The following NEDD4L variants were observed in gnomAD, a reference collection of about 807,000 sequenced individuals.
NEDD4L encodes the protein NEDD4 like E3 ubiquitin protein ligase.
NEDD4L carries 54 observed loss-of-function variants against 148.9 expected under a neutral mutation model. The ratio of observed to expected loss-of-function variants is 0.36; its 90% CI spans 0.29 to 0.45. The LOEUF is 0.45. Ranked by LOEUF, NEDD4L falls within the 20% of genes least tolerant of loss-of-function variation. NEDD4L has a pLI of 1.00. For synonymous variants in NEDD4L, 433 were observed against 440.7 expected (o/e 0.98, Z 0.22); for missense variants, 856 against 1,233.8 (o/e 0.69, Z 4.59).
intron 1 of NEDD4L, among the ~76,000 whole-genome samples, chr18:58,140,774 G>A (rs1219594536): frequency 2.0e-5 from 3 of 152,190 alleles, no homozygotes; most frequent in African/African-American, 4.8e-5. Context: ...CCTTTGTGTC[G>A]GCCTTGGCCA....
chr18:58,385,432 C>A, intron 25 of NEDD4L, 94 bp from the exon 26 acceptor site: 2 of 976,996 alleles, frequency 2.0e-6, no homozygotes, highest in South Asian at 2.6e-5. Flanking sequence ...GCTCTGCTGT[C>A]GTGGATGGAG....
In NEDD4L at chr18:58,391,353, A is replaced by G. The variant is rs2049815430; in HGVS notation, c.2753-134A>G. 8.5e-6 allele frequency: 6 copies of G among 702,202 alleles called. No individual in the cohort carries two copies. In the South Asian group the frequency reaches 9.8e-5, roughly 11 times the overall value. The allele number at this position is 702,202 out of a possible 1,614,324, so 43.5% of individuals were successfully genotyped here. A position where few individuals can be genotyped will look rare whatever the true frequency, so the allele number is the denominator to read the frequency against. On this transcript the variant is annotated intron_variant, in intron 29 of 30. Coordinates refer to ENST00000400345, the MANE Select transcript of NEDD4L (RefSeq NM_001144967.3). Reference sequence around the variant, plus strand: ...CCTCAACATTAAATATCAATGTTGCAGCAGAAGAGAGTGTCTTGGGCCTCA... The same window carrying G: ...CCTCAACATTAAATATCAATGTTGCGGCAGAAGAGAGTGTCTTGGGCCTCA...
intron 1 of NEDD4L, among the ~76,000 whole-genome samples, chr18:58,158,127 C>T (rs1008209241): frequency 6.6e-6 from 1 of 152,198 alleles, no homozygotes; most frequent in Non-Finnish European, 1.5e-5. Flanking sequence ...TTGACTGGAA[C>T]AGAAGGACCC....
At chr18:58,081,712 C>T (rs1872600200) in intron 1 of NEDD4L, among the ~76,000 whole-genome samples, 1 of 152,050 alleles carries the variant, frequency 6.6e-6, no homozygotes, top group African/African-American at 2.4e-5. Flanking sequence ...TGTTTCTGAA[C>T]CTATGTGGTA....
Position 58,141,915 on chromosome 18 carries a change from G to A in NEDD4L, c.49-23873G>A, listed in dbSNP as rs116143628. ...AACTCACAGGAGCTGTGAAAACAAC[G>A]CTGTTTTGTGAAAGCCAAGTAGGAG... On this transcript the variant is annotated intron_variant, in intron 1 of 30. Coordinates refer to ENST00000400345, the MANE Select transcript of NEDD4L (RefSeq NM_001144967.3). 3.7e-3 allele frequency among the ~76,000 whole-genome samples: 563 copies of A among 152,108 alleles called. 5 individuals are homozygous for A. The highest frequency in any genetic ancestry group is 0.012 in the African/African-American group (509 of 41,512).
intron 18 of NEDD4L, among the ~76,000 whole-genome samples, chr18:58,355,034 C>T (rs1036538452): frequency 6.6e-6 from 1 of 152,180 alleles, no homozygotes; most frequent in African/African-American, 2.4e-5. Flanking sequence ...AGGGTATCTG[C>T]CCGGTGTGGG....
In NEDD4L at chr18:58,272,756, C is replaced by G. The variant is rs974646262; in HGVS notation, c.297+20702C>G. 6.9e-4 allele frequency among the ~76,000 whole-genome samples: 105 copies of G among 152,342 alleles called. 1 individual carries two copies. Among genetic ancestry groups the G allele is most frequent in the African/African-American group, 2.3e-3 (96 of 41,572 alleles). ...TAAAAGTCAGTAAGGCTAAGGGACA[C>G]TTCTGAATTCCTTCTGCTGTCCAGG... On this transcript the variant is annotated intron_variant, in intron 5 of 30. Transcript: ENST00000400345.
intron 2 of NEDD4L, among the ~76,000 whole-genome samples, chr18:58,221,087 T>G (rs78171499): frequency 6.6e-6 from 1 of 152,112 alleles, no homozygotes; most frequent in South Asian, 2.1e-4. Context: ...TTTGTTCCTG[T>G]TTTTTTCCCC....
At chr18:58,055,634 A>C (rs1598958154) in intron 1 of NEDD4L, among the ~76,000 whole-genome samples, 2 of 152,188 alleles carry the variant, frequency 1.3e-5, no homozygotes, top group Admixed American at 6.5e-5. Flanking sequence ...TTAGGAGCTC[A>C]CCACTACGTT....
rs1332623130 is a variant in NEDD4L at position 58,245,436 on chromosome 18, T to C, written c.132T>C (p.Tyr44=). ...AAATATTTTCTTACAGTGATCCGTA[T>C]GTGAAACTTTCATTGTACGTAGCGG... The part of the protein sequence containing the change: ...KKDIFGASDP[Y]VKLSLYVADE... Residue 44 remains tyrosine, a synonymous_variant, in exon 3 of 31, where the codon TAT becomes TAC. Transcript: ENST00000400345. The C allele has an allele frequency of 6.5e-7, 1 of 1,532,690 alleles. No individual in the cohort carries two copies. The highest frequency in any genetic ancestry group is 1.8e-5 in the Admixed American group (1 of 56,316). The allele number at this position is 1,532,690 out of a possible 1,614,324, so 94.9% of individuals were successfully genotyped here.
chr18:58,157,378 A>G (rs1407106374), intron 1 of NEDD4L, among the ~76,000 whole-genome samples: 1 of 152,056 alleles, frequency 6.6e-6, no homozygotes, highest in African/African-American at 2.4e-5. Context: ...CCCCAGCCAA[A>G]CAGTTCTTAT....
intron 5 of NEDD4L, among the ~76,000 whole-genome samples, chr18:58,284,681 A>C (rs1007438772): frequency 1.3e-5 from 2 of 152,256 alleles, no homozygotes; most frequent in African/African-American, 2.4e-5. Context: ...TCAAATATTT[A>C]ATCTTACTTC....
intron 1 of NEDD4L, among the ~76,000 whole-genome samples, chr18:58,125,552 T>C (rs528329): frequency 0.9 from 136,686 of 151,868 alleles, 61,700 homozygotes; most frequent in African/African-American, 0.97. Flanking sequence ...TAAAGCTCAC[T>C]CTTGCCTCAT....
intron 5 of NEDD4L, among the ~76,000 whole-genome samples, chr18:58,269,395 C>G (rs73437205): frequency 6.6e-6 from 1 of 151,810 alleles, no homozygotes; most frequent in Non-Finnish European, 1.5e-5. Flanking sequence ...AATGGCTCAC[C>G]GCAGCAAAAA....
intron 1 of NEDD4L, among the ~76,000 whole-genome samples, chr18:58,052,051 A>G (rs1438415804): frequency 6.6e-6 from 1 of 152,180 alleles, no homozygotes; most frequent in Non-Finnish European, 1.5e-5. Context: ...ATGATAGCAT[A>G]ATTTAGAGTT....
intron 18 of NEDD4L, among the ~76,000 whole-genome samples, chr18:58,354,108 A>G (rs547331209): frequency 3.9e-5 from 6 of 152,218 alleles, no homozygotes; most frequent in East Asian, 1.9e-4. Context: ...TTTGCTGTCT[A>G]TGGAATGGCT....
At chr18:58,264,981 A>G (rs2050012174) in intron 5 of NEDD4L, among the ~76,000 whole-genome samples, 1 of 152,070 alleles carries the variant, frequency 6.6e-6, no homozygotes, top group Non-Finnish European at 1.5e-5. Flanking sequence ...TCACAAACAG[A>G]TGGGACAGCT....
intron 30 of NEDD4L, among the ~76,000 whole-genome samples, chr18:58,392,735 A>G (rs189351727): frequency 6.6e-6 from 1 of 152,316 alleles, no homozygotes; most frequent in African/African-American, 2.4e-5. Context: ...AATGGTGTCC[A>G]AGTCATATGT....
intron 13 of NEDD4L, among the ~76,000 whole-genome samples, chr18:58,337,697 G>A (rs2041947287): frequency 6.6e-6 from 1 of 152,072 alleles, no homozygotes; most frequent in African/African-American, 2.4e-5. Context: ...AGGCACTACA[G>A]TGTTAATTTC....
Sources: gnomAD v4.1 joint callset for allele counts (sites outside exome capture counted in the v4.1 genomes callset) on GRCh38, gnomAD v4.1.1 for gene constraint, MANE v1.5 for transcripts, NCBI Gene and HGNC (gene_info 2026-07-23, HGNC 2026-07-21) for gene names.